SCFD1: variants seen among roughly 807,000 people sequenced by gnomAD.
SCFD1 encodes sec1 family domain containing 1, also known as sec1 family domain-containing protein 1.
In SCFD1, 37 loss-of-function variants were observed where a neutral mutation model predicts 103.2. The observed-to-expected ratio is 0.36, with a 90% confidence interval of 0.28 to 0.47. SCFD1 has a LOEUF of 0.47. Among genes scored for constraint, SCFD1 ranks in the 20% least tolerant of loss-of-function variants. The probability of loss-of-function intolerance (pLI) is 1.00; values close to 1 mark genes in which losing one functional copy is unlikely to be tolerated. For missense variants in SCFD1, 639 were observed against 761.2 expected, an observed-to-expected ratio of 0.84 and a Z score of 1.89; for synonymous variants, 264 against 245.0, an observed-to-expected ratio of 1.08 and a Z score of -0.73.
intron 1 of SCFD1, among the ~76,000 whole-genome samples, chr14:30,627,745 G>GAAAAAA (rs11312585): frequency 1.1e-4 from 9 of 79,472 alleles, no homozygotes; most frequent in East Asian, 2.7e-4. Context: ...CTCTGTCTCA[G>GAAAAAA]AAAAAAAAAA....
intron 10 of SCFD1, 145 bp from the exon 11 acceptor site, chr14:30,670,111 C>A: frequency 1.6e-6 from 1 of 644,512 alleles, no homozygotes; most frequent in South Asian, 2.2e-5. Context: ...AACAAAATTA[C>A]ATTTGTATGT....
Position 30,675,040 on chromosome 14 carries a change from C to A in SCFD1, c.1217C>A (p.Ala406Asp). The stretch of plus-strand genomic sequence containing the variant: ...CTTATTGATCTCCATACAAATGTTG[C>A]CACTGCTGTTTTAGAACATATAAAG... ...KRLIDLHTNV[A>D]TAVLEHIKAR... The change falls in exon 14 of 25, where the codon GCC (alanine) becomes GAC (aspartate). Residue 406 changes from alanine to aspartate, a missense_variant. By Grantham distance (126) the Ala-to-Asp change is moderately radical. Coordinates refer to ENST00000458591, the MANE Select transcript of SCFD1 (RefSeq NM_016106.4). 1 of 1,587,690 alleles carries A rather than the reference C, an allele frequency of 6.3e-7. No homozygotes were observed. Among genetic ancestry groups the A allele is most frequent in the Non-Finnish European group, 8.6e-7 (1 of 1,167,732 alleles).
chr14:30,663,608 G>A (rs1414746888), intron 10 of SCFD1, among the ~76,000 whole-genome samples: 9 of 152,132 alleles, frequency 5.9e-5, no homozygotes, highest in African/African-American at 2.2e-4. Context: ...ACCATTTATT[G>A]TAACTCTCTA....
intron 10 of SCFD1, among the ~76,000 whole-genome samples, chr14:30,662,996 C>T (rs1219500549): frequency 1.3e-5 from 2 of 152,112 alleles, no homozygotes; most frequent in African/African-American, 4.8e-5. Context: ...TGTGTATAAA[C>T]GTTCAGTTGC....
At chr14:30,728,979 G>A (rs942475655) in intron 23 of SCFD1, among the ~76,000 whole-genome samples, 1 of 151,842 alleles carries the variant, frequency 6.6e-6, no homozygotes, top group African/African-American at 2.4e-5. Flanking sequence ...CAAGTAACTG[G>A]GATTACAGGT....
At chr14:30,662,133 A>C (rs1166192536) in intron 10 of SCFD1, among the ~76,000 whole-genome samples, 1 of 152,188 alleles carries the variant, frequency 6.6e-6, no homozygotes, top group East Asian at 1.9e-4. Context: ...ACACAAATGT[A>C]TTCATGTGCA....
At chr14:30,631,942 G>A (rs1884181508) in intron 3 of SCFD1, among the ~76,000 whole-genome samples, 1 of 150,446 alleles carries the variant, frequency 6.6e-6, no homozygotes, top group African/African-American at 2.5e-5. Flanking sequence ...TAGCTACTTG[G>A]GAGGCTGAGG....
rs367807509 is a variant in SCFD1 at position 30,633,839 on chromosome 14, C to T, written c.222-108C>T. 13 of 532,454 alleles carry T rather than the reference C, an allele frequency of 2.4e-5. No homozygotes were observed. In the South Asian group the frequency reaches 3.1e-4, roughly 13 times the overall value. The allele number at this position is 532,454 out of a possible 1,614,324, so 33.0% of individuals were successfully genotyped here. On this transcript the variant is annotated intron_variant, in intron 3 of 24. Transcript: ENST00000458591. ...ACTCACTGATTAATTGCAACAAGAG[C>T]TTTTAGAGCACTGGTTACTGTCCTT...
intron 23 of SCFD1, among the ~76,000 whole-genome samples, chr14:30,733,309 A>T (rs1464992539): frequency 6.6e-6 from 1 of 152,182 alleles, no homozygotes; most frequent in African/African-American, 2.4e-5. Flanking sequence ...CGCCCAGCCC[A>T]TAAAGTTCAA....
intron 21 of SCFD1, among the ~76,000 whole-genome samples, chr14:30,721,228 C>G (rs1229063734): frequency 3.3e-5 from 5 of 152,178 alleles, no homozygotes; most frequent in Non-Finnish European, 7.4e-5. Flanking sequence ...TATGATAGCC[C>G]TCTTTTCTCA....
intron 23 of SCFD1, among the ~76,000 whole-genome samples, chr14:30,728,855 TTC>T (rs751452557): frequency 9.3e-4 from 134 of 144,024 alleles, no homozygotes; most frequent in African/African-American, 2.5e-3. Flanking sequence ...TTTTTTTTTT[TTC>T]CCCCCGAGAC....
intron 13 of SCFD1, 106 bp downstream of exon 13, chr14:30,674,103 A>G: frequency 1.4e-6 from 1 of 708,404 alleles, no homozygotes; most frequent in South Asian, 1.8e-5. Flanking sequence ...ACTGTAGGCA[A>G]TAGCAAATAT....
intron 23 of SCFD1, among the ~76,000 whole-genome samples, chr14:30,727,972 T>C (rs2139431984): frequency 6.6e-6 from 1 of 152,358 alleles, no homozygotes. Flanking sequence ...CTCAGACAGT[T>C]ATATTTAGAG....
chr14:30,722,981 A>C (rs371689226), intron 23 of SCFD1: 1 of 152,632 alleles, frequency 6.6e-6, no homozygotes, highest in African/African-American at 2.4e-5. Context: ...TTTTTTCAGC[A>C]AACAGGAGCT....
intron 10 of SCFD1, among the ~76,000 whole-genome samples, chr14:30,668,131 C>G (rs1888186706): frequency 6.6e-6 from 1 of 152,204 alleles, no homozygotes; most frequent in Non-Finnish European, 1.5e-5. Context: ...AGGCATCACA[C>G]TACCTGACTT....
intron 10 of SCFD1, chr14:30,658,083 G>T (rs1328679288): frequency 2.2e-6 from 1 of 455,482 alleles, no homozygotes; most frequent in Admixed American, 2.3e-5. Context: ...TTGGTTGCAG[G>T]AGAGGTGGAT....
intron 7 of SCFD1, among the ~76,000 whole-genome samples, chr14:30,648,746 G>T (rs747076719): frequency 2.6e-4 from 39 of 152,050 alleles, no homozygotes; most frequent in Non-Finnish European, 4.3e-4. Flanking sequence ...ACAACCTTTC[G>T]AGTAGCTGGG....
rs181307129 is a variant in SCFD1, at chr14:30,726,132, A to T, written c.1836+3573A>T. 2.0e-5 allele frequency among the ~76,000 whole-genome samples: 3 copies of T among 152,288 alleles called. No individual in the cohort carries two copies. In the East Asian group the frequency reaches 5.8e-4, roughly 29 times the overall value. ...CTTTTGGCATCTTTTACATTATATA[A>T]CAGAAAAACAAGAAGATAAACACCA... On this transcript the variant is annotated intron_variant, in intron 23 of 24. Coordinates refer to ENST00000458591, the MANE Select transcript of SCFD1 (RefSeq NM_016106.4).
In SCFD1 at chr14:30,673,921, A is replaced by G; in HGVS notation, c.1087-3A>G. 1 of 1,611,354 alleles carries G rather than the reference A, an allele frequency of 6.2e-7. No homozygotes were observed. Among genetic ancestry groups the G allele is most frequent in the South Asian group, 1.1e-5 (1 of 91,036 alleles). ...AGCTATTGAGACCTTTTTTCTTTAC[A>G]AGGGACTAGAAGGGGAAGATGAAGG... On this transcript the variant is annotated splice_polypyrimidine_tract_variant and splice_region_variant and intron_variant, in intron 12 of 24. Transcript: ENST00000458591.
Sources: gnomAD v4.1 joint callset for allele counts (sites outside exome capture counted in the v4.1 genomes callset) on GRCh38, gnomAD v4.1.1 for gene constraint, MANE v1.5 for transcripts, NCBI Gene and HGNC (gene_info 2026-07-23, HGNC 2026-07-21) for gene names.